The following MGMT variants were observed in gnomAD, a reference collection of about 807,000 sequenced individuals.
The protein encoded by MGMT is O-6-methylguanine-DNA methyltransferase.
Under a neutral mutation model 15.9 loss-of-function variants are expected in MGMT, and 14 were observed. The ratio of observed to expected loss-of-function variants is 0.88; its 90% confidence interval spans 0.58 to 1.37. MGMT has a LOEUF of 1.37. Among genes scored for constraint, MGMT ranks in the 40% most tolerant of loss-of-function variants. The probability of loss-of-function intolerance (pLI) is 0.00; values close to 1 mark genes in which losing one functional copy is unlikely to be tolerated. For synonymous variants in MGMT, 130 were observed against 118.2 expected (o/e 1.10, Z -0.65); for missense variants, 282 against 268.1 (o/e 1.05, Z -0.36).
chr10:129,654,362 G>T (rs940079973), intron 2 of MGMT, among the ~76,000 whole-genome samples: 1 of 152,094 alleles, frequency 6.6e-6, no homozygotes, highest in Admixed American at 6.5e-5. Context: ...ACGCGGGGTC[G>T]GGCACCTGCC....
At chr10:129,708,550 G>C (rs542308975) in intron 3 of MGMT, among the ~76,000 whole-genome samples, 7 of 152,296 alleles carry the variant, frequency 4.6e-5, no homozygotes, top group Admixed American at 2.6e-4. Flanking sequence ...TTTCTTAAGA[G>C]ATGACTTGAG....
chr10:129,634,747 A>G (rs1207658066), intron 2 of MGMT, among the ~76,000 whole-genome samples: 1 of 152,090 alleles, frequency 6.6e-6, no homozygotes, highest in Admixed American at 6.5e-5. Flanking sequence ...ATACAGTTAC[A>G]TTAACTTTTT....
At chr10:129,527,258 G>C (rs1034419601) in intron 1 of MGMT, among the ~76,000 whole-genome samples, 2 of 152,218 alleles carry the variant, frequency 1.3e-5, no homozygotes, top group Admixed American at 6.5e-5. Flanking sequence ...CAGCAACACG[G>C]CTGTCCCATT....
intron 2 of MGMT, among the ~76,000 whole-genome samples, chr10:129,597,951 T>C (rs540495079): frequency 1.3e-5 from 2 of 152,268 alleles, no homozygotes; most frequent in Admixed American, 1.3e-4. Context: ...TTCAGAGAGA[T>C]GTCGTTCGGT....
intron 2 of MGMT, among the ~76,000 whole-genome samples, chr10:129,573,553 C>T (rs1846444200): frequency 6.6e-6 from 1 of 151,608 alleles, no homozygotes; most frequent in Non-Finnish European, 1.5e-5. Flanking sequence ...TGTTTATTTC[C>T]TTCTACTTTT....
intron 2 of MGMT, among the ~76,000 whole-genome samples, chr10:129,593,334 C>G (rs1846711584): frequency 6.6e-6 from 1 of 152,198 alleles, no homozygotes; most frequent in South Asian, 2.1e-4. Flanking sequence ...GGGTCCTGAT[C>G]AGCAGTTTGG....
intron 2 of MGMT, among the ~76,000 whole-genome samples, chr10:129,639,931 C>T (rs551864520): frequency 6.7e-5 from 9 of 134,434 alleles, no homozygotes; most frequent in Admixed American, 3.2e-4. Context: ...ACTGATAAAT[C>T]GGTGGCTAGA....
At chr10:129,621,612 A>G (rs1046234660) in intron 2 of MGMT, among the ~76,000 whole-genome samples, 3 of 152,174 alleles carry the variant, frequency 2.0e-5, no homozygotes, top group Non-Finnish European at 4.4e-5. Flanking sequence ...TGAGCAGTGC[A>G]TGGTTGCTTG....
intron 2 of MGMT, among the ~76,000 whole-genome samples, chr10:129,644,886 T>G (rs1847368779): frequency 6.6e-6 from 1 of 152,162 alleles, no homozygotes; most frequent in Non-Finnish European, 1.5e-5. Context: ...ATCTCTTCAC[T>G]GCGTGGCAGG....
intron 1 of MGMT, among the ~76,000 whole-genome samples, chr10:129,510,077 G>A (rs1845664993): frequency 6.6e-6 from 1 of 152,214 alleles, no homozygotes; most frequent in South Asian, 2.1e-4. Flanking sequence ...GCTGTCCTCT[G>A]CCTGACAAGT....
intron 3 of MGMT, among the ~76,000 whole-genome samples, chr10:129,741,177 C>T (rs1267773852): frequency 6.6e-6 from 1 of 152,184 alleles, no homozygotes; most frequent in African/African-American, 2.4e-5. Flanking sequence ...CCTCCCCAGC[C>T]CTGGTCACAG....
At chr10:129,575,191 A>G (rs1429803853) in intron 2 of MGMT, among the ~76,000 whole-genome samples, 3 of 152,304 alleles carry the variant, frequency 2.0e-5, no homozygotes, top group South Asian at 4.1e-4. Context: ...GACCTAATAG[A>G]CATCTACAGA....
At chr10:129,732,357 A>T (rs375364855) in intron 3 of MGMT, among the ~76,000 whole-genome samples, 37 of 116,036 alleles carry the variant, frequency 3.2e-4, no homozygotes, top group Admixed American at 1.5e-3. Context: ...CCCTGTGTCC[A>T]TGTGTTCTCA....
intron 2 of MGMT, among the ~76,000 whole-genome samples, chr10:129,565,221 G>T (rs1846340455): frequency 6.6e-6 from 1 of 151,916 alleles, no homozygotes. Context: ...TCCCAGTGTA[G>T]TGTCATTTCC....
At chr10:129,479,567 G>A (rs1342609672) in intron 1 of MGMT, among the ~76,000 whole-genome samples, 1 of 152,190 alleles carries the variant, frequency 6.6e-6, no homozygotes, top group Admixed American at 6.5e-5. Context: ...AAGAGAATCA[G>A]TCATGTTTTT....
intron 2 of MGMT, among the ~76,000 whole-genome samples, chr10:129,662,374 A>G (rs917675748): frequency 2.0e-5 from 3 of 152,172 alleles, no homozygotes; most frequent in Non-Finnish European, 4.4e-5. Context: ...AGGACACGGA[A>G]CTTTCCGTTT....
At chr10:129,762,467 C>T (rs567073792) in intron 4 of MGMT, among the ~76,000 whole-genome samples, 1 of 152,284 alleles carries the variant, frequency 6.6e-6, no homozygotes, top group Admixed American at 6.5e-5. Context: ...TCTCCAGAAT[C>T]CTCCAGGAAG....
chr10:129,676,820 CT>C (rs1356090409), intron 2 of MGMT, among the ~76,000 whole-genome samples: 1 of 152,008 alleles, frequency 6.6e-6, no homozygotes, highest in Non-Finnish European at 1.5e-5. Context: ...ATATACTTTA[CT>C]TTTTTAGCAC....
At chr10:129,476,756 G>A (rs191105133) in intron 1 of MGMT, among the ~76,000 whole-genome samples, 17 of 152,194 alleles carry the variant, frequency 1.1e-4, no homozygotes, top group African/African-American at 3.9e-4. Flanking sequence ...CTGCTACAAG[G>A]GGCCGGGGAC....
Sources: allele counts gnomAD v4.1 joint callset (sites outside exome capture counted in the v4.1 genomes callset), GRCh38; gene constraint gnomAD v4.1.1; transcripts MANE v1.5; gene names NCBI Gene and HGNC (gene_info 2026-07-23, HGNC 2026-07-21).